ARHGAP26: variants seen among roughly 807,000 people sequenced by gnomAD.
ARHGAP26 encodes the protein rho GTPase-activating protein 26.
ARHGAP26 carries 38 observed loss-of-function variants against 104.8 expected under a neutral mutation model. The ratio of observed to expected loss-of-function variants is 0.36; its 90% CI spans 0.28 to 0.48. The LOEUF (loss-of-function observed/expected upper bound fraction) is 0.48, where lower values mean the gene tolerates loss of function less well. Among genes scored for constraint, ARHGAP26 ranks in the 20% least tolerant of loss-of-function variants. ARHGAP26 has a pLI of 0.99. For synonymous variants in ARHGAP26, 341 were observed against 340.0 expected, an observed-to-expected ratio of 1.00 and a Z score of -0.03; for missense variants, 704 against 947.9, an observed-to-expected ratio of 0.74 and a Z score of 3.38.
intron 12 of ARHGAP26, among the ~76,000 whole-genome samples, chr5:143,017,249 T>C (rs1183209948): frequency 1.3e-5 from 2 of 152,210 alleles, no homozygotes; most frequent in Non-Finnish European, 2.9e-5. Flanking sequence ...TTCGTTTGCT[T>C]TCATCTCGAA....
chr5:143,211,541 C>CTT (rs1305861958), intron 21 of ARHGAP26, among the ~76,000 whole-genome samples: 1 of 151,712 alleles, frequency 6.6e-6, no homozygotes, highest in African/African-American at 2.4e-5. Context: ...AAACAAGGCC[C>CTT]TTTCTTGGCT....
At chr5:142,866,147 A>G (rs1754245132) in intron 1 of ARHGAP26, among the ~76,000 whole-genome samples, 1 of 151,162 alleles carries the variant, frequency 6.6e-6, no homozygotes, top group Non-Finnish European at 1.5e-5. Context: ...AGTCTACCTT[A>G]ATTTTGTAGT....
intron 11 of ARHGAP26, among the ~76,000 whole-genome samples, chr5:142,997,381 T>C (rs1776562238): frequency 6.6e-6 from 1 of 152,112 alleles, no homozygotes; most frequent in Non-Finnish European, 1.5e-5. Context: ...GCTGTCATAC[T>C]GTAAACAAAT....
intron 20 of ARHGAP26, among the ~76,000 whole-genome samples, chr5:143,166,923 A>C (rs765867539): frequency 8.5e-5 from 13 of 152,216 alleles, no homozygotes; most frequent in Non-Finnish European, 1.6e-4. Context: ...ACATTCACAG[A>C]ATAGAAAGTT....
intron 1 of ARHGAP26, among the ~76,000 whole-genome samples, chr5:142,857,950 C>T (rs1406964351): frequency 1.3e-5 from 2 of 151,940 alleles, no homozygotes; most frequent in African/African-American, 2.4e-5. Context: ...TTTCTGATCC[C>T]ATAAGTCTGG....
At chr5:143,176,910 C>T (rs1053664589) in intron 20 of ARHGAP26, among the ~76,000 whole-genome samples, 1 of 152,148 alleles carries the variant, frequency 6.6e-6, no homozygotes, top group Non-Finnish European at 1.5e-5. Flanking sequence ...TTACGTATTG[C>T]AAGGAGCCAT....
rs3756393 is a variant in ARHGAP26 at position 142,971,097 on chromosome 5, T to G, written c.1107+38972T>G. On this transcript the variant is annotated intron_variant, in intron 11 of 22. Coordinates refer to ENST00000645722, the MANE Select transcript of ARHGAP26 (RefSeq NM_001135608.3). ...GACTGAGATACAAATTTGAAAATAATTTTTTTTCAGAGATGTCCATTATAA... is the reference window on the plus strand; with the variant it reads ...GACTGAGATACAAATTTGAAAATAAGTTTTTTTCAGAGATGTCCATTATAA... 2.5e-3 allele frequency among the ~76,000 whole-genome samples: 382 copies of G among 152,160 alleles called. 9 individuals carry two copies. In the East Asian group the frequency reaches 0.042, roughly 17 times the overall value.
At position 142,901,975 on chromosome 5, in the gene ARHGAP26, A is replaced by G; in HGVS notation, c.638A>G (p.His213Arg). The G allele has an allele frequency of 6.2e-7, 1 of 1,613,982 alleles. No homozygotes were observed. The highest frequency in any genetic ancestry group is 8.5e-7 in the Non-Finnish European group (1 of 1,179,902). ...FLQGLFTFYH[H>R]GYELAKDFGD... is the part of the protein sequence containing the mutation. ...CAAGGACTCTTCACTTTCTATCACC[A>G]TGGTTACGAACTGGCCAAGGATTTC... The change falls in exon 7 of 23, where the codon CAT becomes CGT. Residue 213 changes from histidine (H) to arginine (R), a missense_variant. This residue lies in a region of ARHGAP26 where 16 missense variants were observed against 46.4 expected (regional missense o/e 0.34). Coordinates refer to ENST00000645722, the MANE Select transcript of ARHGAP26 (RefSeq NM_001135608.3).
chr5:143,047,682 G>T (rs906667661), intron 14 of ARHGAP26, among the ~76,000 whole-genome samples: 1 of 151,818 alleles, frequency 6.6e-6, no homozygotes, highest in African/African-American at 2.4e-5. Flanking sequence ...ATTTAATTTT[G>T]CATTTCTGTA....
chr5:142,805,621 T>C (rs148085229), intron 1 of ARHGAP26, among the ~76,000 whole-genome samples: 1 of 152,294 alleles, frequency 6.6e-6, no homozygotes, highest in Non-Finnish European at 1.5e-5. Context: ...AATGAGTTTA[T>C]ATGAAGGCCC....
rs376173806 is a variant in ARHGAP26 at position 143,003,820 on chromosome 5, C to T, written c.1108-10260C>T. 3.4e-4 allele frequency among the ~76,000 whole-genome samples: 51 copies of T among 152,068 alleles called. 1 individual carries two copies. In the South Asian group the frequency reaches 7.7e-3, roughly 23 times the overall value. On this transcript the variant is annotated intron_variant, in intron 11 of 22. Transcript: ENST00000645722. Reference sequence around the variant, plus strand: ...CTACTTTGCAATGAGAAAGCAGACTCGGAAATGTTGAATGATTATCTAAGG... The same window carrying T: ...CTACTTTGCAATGAGAAAGCAGACTTGGAAATGTTGAATGATTATCTAAGG...
chr5:143,166,196 G>GCTTTTGTGTTCA, intron 20 of ARHGAP26: 1 of 868,964 alleles, frequency 1.2e-6, no homozygotes, highest in Non-Finnish European at 1.5e-6. Context: ...CATGTACGTA[G>GCTTTTGTGTTCA]CTGGCAGTGA....
chr5:142,802,012 G>T (rs546596206), intron 1 of ARHGAP26, among the ~76,000 whole-genome samples: 2 of 152,220 alleles, frequency 1.3e-5, no homozygotes, highest in East Asian at 3.9e-4. Flanking sequence ...AACATCAGAG[G>T]GGATCTGTTC....
At chr5:143,057,945 G>T (rs1445241636) in intron 17 of ARHGAP26, 198 bp downstream of exon 17, 1 of 693,636 alleles carries the variant, frequency 1.4e-6, no homozygotes, top group Non-Finnish European at 2.7e-6. Context: ...CCCAGAGGAT[G>T]CTGGGGAAGT....
Position 142,979,736 on chromosome 5 carries a change from GA to G in ARHGAP26, c.1108-34341del, listed in dbSNP as rs1391984606. Among the ~76,000 whole-genome samples, 3 of 152,360 alleles carry G rather than the reference GA, an allele frequency of 2.0e-5. No homozygotes were observed. In the East Asian group the frequency reaches 5.8e-4, roughly 29 times the overall value. The stretch of plus-strand genomic sequence containing the variant: ...GAGAGTATTTGTGTGAGAATTAAGG[GA>G]AAGTGTCTCACTGTGAGCCCAATCC... On this transcript the variant is annotated intron_variant, in intron 11 of 22. Transcript: ENST00000645722.
chr5:143,207,303 C>A lies in ARHGAP26; in HGVS notation c.2094C>A (p.Pro698=), dbSNP rs781421564. 5 of 1,614,054 alleles carry A rather than the reference C, an allele frequency of 3.1e-6. No homozygotes were observed. Among genetic ancestry groups the A allele is most frequent in the Non-Finnish European group, 4.2e-6 (5 of 1,180,036 alleles). The change falls in exon 21 of 23, where the codon CCC becomes CCA. Residue 698 remains proline (P), a synonymous_variant. Coordinates refer to ENST00000645722, the MANE Select transcript of ARHGAP26 (RefSeq NM_001135608.3). ...CATCCACGTCCAGCGACTCATCCCC[C>A]GTCAGGTCTGTTGCAGGGTTTGTTT... ...PTSSTSSDSS[P]VSTPFRKAKA...
intron 20 of ARHGAP26, among the ~76,000 whole-genome samples, chr5:143,204,828 G>T (rs1362074715): frequency 2.0e-5 from 3 of 152,064 alleles, no homozygotes; most frequent in Non-Finnish European, 4.4e-5. Context: ...AAGTTGGAAG[G>T]ACTTTTTAAT....
Position 142,950,615 on chromosome 5 carries a change from G to A in ARHGAP26, c.1107+18490G>A, listed in dbSNP as rs973701572. On this transcript the variant is annotated intron_variant, in intron 11 of 22. Transcript: ENST00000645722. ...ATCAGAATGTCATGTTTCCTACAGCGACACCCAATTTGAGTTATTGACCCA... is the reference window on the plus strand; with the variant it reads ...ATCAGAATGTCATGTTTCCTACAGCAACACCCAATTTGAGTTATTGACCCA... 7.2e-5 allele frequency among the ~76,000 whole-genome samples: 11 copies of A among 152,092 alleles called. No homozygotes were observed. The East Asian group carries it at 1.2e-3, about 16-fold the overall frequency.
intron 11 of ARHGAP26, among the ~76,000 whole-genome samples, chr5:142,966,162 A>G (rs1440167655): frequency 6.6e-6 from 1 of 152,188 alleles, no homozygotes; most frequent in Non-Finnish European, 1.5e-5. Context: ...GTAAGGTCTC[A>G]GCTGAGGAGT....
Sources: allele counts gnomAD v4.1 joint callset (sites outside exome capture counted in the v4.1 genomes callset), GRCh38; gene constraint gnomAD v4.1.1; regional missense constraint gnomAD v4.1.1; transcripts MANE v1.5; gene names NCBI Gene and HGNC (gene_info 2026-07-23, HGNC 2026-07-21).